The following CD247 variants were observed in gnomAD, a reference collection of about 807,000 sequenced individuals.
The protein encoded by CD247 is T-cell surface glycoprotein CD3 zeta chain.
A neutral mutation model predicts 30.0 loss-of-function variants in CD247; 13 were observed. The ratio of observed to expected loss-of-function variants is 0.43; its 90% CI spans 0.28 to 0.69. CD247 has a LOEUF of 0.69. Ranked by LOEUF, CD247 falls within the 30% of genes least tolerant of loss-of-function variation. CD247 has a pLI of 0.16. For missense variants in CD247, 193 were observed against 212.6 expected, an observed-to-expected ratio of 0.91 and a Z score of 0.57; for synonymous variants, 72 against 80.0, an observed-to-expected ratio of 0.90 and a Z score of 0.53.
At chr1:167,496,221 T>A (rs1654684708) in intron 1 of CD247, among the ~76,000 whole-genome samples, 1 of 152,154 alleles carries the variant, frequency 6.6e-6, no homozygotes, top group South Asian at 2.1e-4. Flanking sequence ...GGAAGGAAGG[T>A]AGGTAGGTAG....
chr1:167,510,485 T>A (rs1239480264), intron 1 of CD247, among the ~76,000 whole-genome samples: 1 of 152,214 alleles, frequency 6.6e-6, no homozygotes, highest in Non-Finnish European at 1.5e-5. Flanking sequence ...ATGGGTCACC[T>A]GGCTCAGCTG....
chr1:167,431,726 C>T lies in CD247; in HGVS notation c.450G>A (p.Lys150=). ...GLYQGLSTAT[K]DTYDALHMQA... ...GCATGTGAAGGGCGTCGTAGGTGTC[C>T]TTGGTGGCTGTACTGAGACCCTGGC... Residue 150 remains lysine (K), a synonymous_variant, in exon 8 of 8, where the codon AAG becomes AAA. Transcript: ENST00000362089. The T allele has an allele frequency of 1.2e-6, 2 of 1,613,946 alleles. No homozygotes were observed. Among genetic ancestry groups the T allele is most frequent in the Non-Finnish European group, 1.7e-6 (2 of 1,179,938 alleles).
chr1:167,506,648 C>A (rs7534569), intron 1 of CD247, among the ~76,000 whole-genome samples: 45,798 of 151,728 alleles, frequency 0.3, 7,340 homozygotes, highest in Admixed American at 0.42. Flanking sequence ...TAACCCCTAC[C>A]CCAGCCTAAT....
At chr1:167,434,874 C>T in intron 5 of CD247, 1 of 465,174 alleles carries the variant, frequency 2.1e-6, no homozygotes, top group South Asian at 1.5e-5. Context: ...CAGACAAAGA[C>T]CACAGAGTGA....
rs142112404 is a variant in CD247, at chr1:167,460,427, A to G, written c.59-19660T>C. ...CAAAAAATAAAAATAAAAATAAAGA[A>G]ATAAGATTATGACCAAGAGCCGTAT... is the stretch of plus-strand genomic sequence containing the variant. On this transcript the variant is annotated intron_variant, in intron 1 of 7. Coordinates refer to ENST00000362089, the MANE Select transcript of CD247 (RefSeq NM_198053.3). Among the ~76,000 whole-genome samples, 457 of 152,108 alleles carry G rather than the reference A, an allele frequency of 3.0e-3. 3 individuals are homozygous for G. Among genetic ancestry groups the G allele is most frequent in the Middle Eastern group, 0.014 (4 of 294 alleles).
chr1:167,511,669 A>G (rs1159533293), intron 1 of CD247, among the ~76,000 whole-genome samples: 1 of 152,204 alleles, frequency 6.6e-6, no homozygotes, highest in Non-Finnish European at 1.5e-5. Flanking sequence ...GTAAGTGCTT[A>G]GTAAGGGGAA....
rs114058873 is a variant in CD247 at position 167,495,448 on chromosome 1, G to A, written c.58+22960C>T. Among the ~76,000 whole-genome samples, 425 of 152,208 alleles carry A rather than the reference G, an allele frequency of 2.8e-3. 3 individuals are homozygous for A. The highest frequency in any genetic ancestry group is 9.6e-3 in the African/African-American group (397 of 41,518). ...CTCCCGTTTAATCCTTATCACCTAC[G>A]CAGTGCTTGGCATATAGGAGCGCAA... On this transcript the variant is annotated intron_variant, in intron 1 of 7. Transcript: ENST00000362089.
At chr1:167,477,947 C>G (rs1295737425) in intron 1 of CD247, among the ~76,000 whole-genome samples, 5 of 152,144 alleles carry the variant, frequency 3.3e-5, no homozygotes, top group African/African-American at 9.7e-5. Flanking sequence ...TGTGACCAGC[C>G]CTGGGTCTCC....
At chr1:167,447,820 C>T (rs1182011743) in intron 1 of CD247, among the ~76,000 whole-genome samples, 1 of 152,154 alleles carries the variant, frequency 6.6e-6, no homozygotes, top group Non-Finnish European at 1.5e-5. Context: ...AACCTTCCTT[C>T]CTTTGAGTCC....
chr1:167,438,020 GAGGAAGGAAGGAAGGAAGGA>G (rs57753052), intron 4 of CD247, among the ~76,000 whole-genome samples: 1,637 of 150,860 alleles, frequency 0.011, 14 homozygotes, highest in Non-Finnish European at 0.017. Flanking sequence ...AATAAAGACA[GAGGAAGGAAGGAAGGAAGGA>G]AGGAAGGAAG....
At chr1:167,478,461 T>C (rs765677263) in intron 1 of CD247, among the ~76,000 whole-genome samples, 4 of 152,168 alleles carry the variant, frequency 2.6e-5, no homozygotes, top group African/African-American at 4.8e-5. Flanking sequence ...GGAAAAGAGA[T>C]TGGACTTGTG....
intron 2 of CD247, chr1:167,439,810 T>C (rs886958839): frequency 1.2e-5 from 3 of 257,358 alleles, no homozygotes; most frequent in African/African-American, 6.7e-5. Flanking sequence ...CCTCCTATCT[T>C]GACCCCCGGA....
intron 1 of CD247, among the ~76,000 whole-genome samples, chr1:167,470,464 T>C (rs1043434512): frequency 1.4e-5 from 2 of 146,994 alleles, no homozygotes; most frequent in African/African-American, 5.1e-5. Context: ...TTTTATTTCC[T>C]ATATGACTTT....
chr1:167,502,803 A>T (rs926189127), intron 1 of CD247, among the ~76,000 whole-genome samples: 1 of 152,182 alleles, frequency 6.6e-6, no homozygotes, highest in Non-Finnish European at 1.5e-5. Flanking sequence ...GGGATGATGC[A>T]TCTACAAGCC....
At chr1:167,442,547 G>T (rs1454467370) in intron 1 of CD247, among the ~76,000 whole-genome samples, 1 of 152,152 alleles carries the variant, frequency 6.6e-6, no homozygotes, top group Non-Finnish European at 1.5e-5. Flanking sequence ...GGACACTGAG[G>T]CACCGAGTAT....
intron 1 of CD247, among the ~76,000 whole-genome samples, chr1:167,475,198 T>C (rs1315562320): frequency 1.3e-5 from 2 of 152,170 alleles, no homozygotes; most frequent in Non-Finnish European, 2.9e-5. Flanking sequence ...ATTTTTATTA[T>C]AAAATTATCA....
At chr1:167,442,945 C>T (rs1300713673) in intron 1 of CD247, among the ~76,000 whole-genome samples, 1 of 152,158 alleles carries the variant, frequency 6.6e-6, no homozygotes, top group East Asian at 1.9e-4. Flanking sequence ...CAGCTTTGTG[C>T]CACCCTGTCC....
intron 1 of CD247, among the ~76,000 whole-genome samples, chr1:167,486,965 T>C (rs1417816572): frequency 6.7e-6 from 1 of 149,632 alleles, no homozygotes; most frequent in Non-Finnish European, 1.5e-5. Context: ...TCCCAGCTAC[T>C]TGGGAGGCTG....
chr1:167,451,385 G>A (rs1395207941), intron 1 of CD247, among the ~76,000 whole-genome samples: 1 of 152,194 alleles, frequency 6.6e-6, no homozygotes, highest in Non-Finnish European at 1.5e-5. Flanking sequence ...TGGGCTAACT[G>A]GAGATGCCCC....
Sources: gnomAD v4.1 joint callset for allele counts (sites outside exome capture counted in the v4.1 genomes callset) on GRCh38, gnomAD v4.1.1 for gene constraint, MANE v1.5 for transcripts, NCBI Gene and HGNC (gene_info 2026-07-23, HGNC 2026-07-21) for gene names.